USP32: variants seen among roughly 807,000 people sequenced by gnomAD.
USP32 encodes the protein ubiquitin carboxyl-terminal hydrolase 32.
USP32 carries 59 observed loss-of-function variants against 204.8 expected under a neutral mutation model. The observed-to-expected ratio is 0.29, with a 90% confidence interval of 0.23 to 0.36. USP32 has a LOEUF of 0.36. USP32 is among the 10% of genes least tolerant of loss of function. The pLI, the probability that USP32 is intolerant of heterozygous loss-of-function variation, is 1.00. For synonymous variants in USP32, 517 were observed against 678.4 expected (o/e 0.76, Z 3.70); for missense variants, 1,160 against 1,946.4 (o/e 0.60, Z 7.60).
chr17:60,241,840 GCT>G (rs2085886299), intron 11 of USP32, among the ~76,000 whole-genome samples: 1 of 151,954 alleles, frequency 6.6e-6, no homozygotes, highest in Non-Finnish European at 1.5e-5. Flanking sequence ...TTTTCTTAAT[GCT>G]CTCTCTTGAA....
rs546695393 is a variant in USP32 at position 60,227,294 on chromosome 17, G to C, written c.1240-1063C>G. On this transcript the variant is annotated intron_variant, in intron 12 of 33. Coordinates refer to ENST00000300896, the MANE Select transcript of USP32 (RefSeq NM_032582.4). ...TTCTTTTTTTTTTTTTTTTGAGACG[G>C]AGTCTTACTCTGTCACCCAGGCTAG... Among the ~76,000 whole-genome samples, 8 of 147,450 alleles carry C rather than the reference G, an allele frequency of 5.4e-5. No homozygotes were observed. In the East Asian group the frequency reaches 1.6e-3, roughly 29 times the overall value.
chr17:60,384,325 G>A (rs2089693433), intron 1 of USP32, among the ~76,000 whole-genome samples: 1 of 152,176 alleles, frequency 6.6e-6, no homozygotes, highest in Non-Finnish European at 1.5e-5. Flanking sequence ...AGATGCTGGG[G>A]CAACCAAGCT....
intron 26 of USP32, among the ~76,000 whole-genome samples, chr17:60,201,783 C>T (rs975819894): frequency 1.3e-5 from 2 of 151,966 alleles, no homozygotes; most frequent in African/African-American, 4.8e-5. Flanking sequence ...CTCAGCCTCC[C>T]GAGTAGCTGG....
At chr17:60,368,216 C>G (rs2089356878) in intron 1 of USP32, among the ~76,000 whole-genome samples, 1 of 152,130 alleles carries the variant, frequency 6.6e-6, no homozygotes, top group African/African-American at 2.4e-5. Flanking sequence ...AAGAGAAATA[C>G]AGTATTTAGA....
At chr17:60,365,667 T>C (rs1342646821) in intron 1 of USP32, among the ~76,000 whole-genome samples, 2 of 152,088 alleles carry the variant, frequency 1.3e-5, no homozygotes. Context: ...CATTAGTCTA[T>C]ATTGTGACTT....
At chr17:60,364,355 C>A (rs1236531604) in intron 1 of USP32, among the ~76,000 whole-genome samples, 1 of 152,136 alleles carries the variant, frequency 6.6e-6, no homozygotes, top group Non-Finnish European at 1.5e-5. Flanking sequence ...ACCTGCTAAG[C>A]CAATCATATT....
chr17:60,412,608 A>AT (rs1170176978), intron 1 of USP32, among the ~76,000 whole-genome samples: 1 of 151,566 alleles, frequency 6.6e-6, no homozygotes, highest in Non-Finnish European at 1.5e-5. Flanking sequence ...AGGCAAGGTG[A>AT]TTTTTCTGTC....
At chr17:60,323,784 A>G (rs2088167245) in intron 2 of USP32, among the ~76,000 whole-genome samples, 1 of 152,232 alleles carries the variant, frequency 6.6e-6, no homozygotes, top group Non-Finnish European at 1.5e-5. Flanking sequence ...AAGAAGGAAG[A>G]CTGGAAAAGT....
At chr17:60,182,889 T>C (rs1340418364) in intron 31 of USP32, among the ~76,000 whole-genome samples, 7 of 152,188 alleles carry the variant, frequency 4.6e-5, no homozygotes, top group Non-Finnish European at 1.0e-4. Flanking sequence ...ACCATTCCTG[T>C]TTACCGTATA....
In USP32 at chr17:60,185,577, G is replaced by A. The variant is rs1453188323; in HGVS notation, c.3717C>T (p.Leu1239=). The part of the protein sequence containing the change: ...QAEPINLDSC[L]RAFTSEEELG... The stretch of plus-strand genomic sequence containing the variant: ...GCTCTTCCTCACTGGTGAAAGCACG[G>A]AGACAGCTGTCCAGGTTGATGGGCT... Residue 1239 remains leucine (L), a synonymous_variant, in exon 30 of 34, where the codon CTC becomes CTT. Coordinates refer to ENST00000300896, the MANE Select transcript of USP32 (RefSeq NM_032582.4). 6.2e-7 allele frequency: 1 copy of A among 1,611,992 alleles called. No individual in the cohort carries two copies. The highest frequency in any genetic ancestry group is 8.5e-7 in the Non-Finnish European group (1 of 1,179,850).
chr17:60,179,078 A>G lies in USP32; in HGVS notation c.*177T>C, dbSNP rs2084035362. 1 of 735,172 alleles carries G rather than the reference A, an allele frequency of 1.4e-6. No individual in the cohort carries two copies. The highest frequency in any genetic ancestry group is 1.8e-5 in the African/African-American group (1 of 55,814). The allele number at this position is 735,172 out of a possible 1,614,324, so 45.5% of individuals were successfully genotyped here. The stretch of plus-strand genomic sequence containing the variant: ...GAGAGCTTGTATGAGACTTCAAAAT[A>G]AAATGATTACTACTCTTAAAGTTAA... On this transcript the variant is annotated 3_prime_UTR_variant, in exon 34 of 34. Transcript: ENST00000300896.
At chr17:60,234,437 AT>A (rs975938319) in intron 12 of USP32, among the ~76,000 whole-genome samples, 2 of 147,486 alleles carry the variant, frequency 1.4e-5, no homozygotes, top group East Asian at 4.5e-4. Context: ...TTAAAAAAAA[AT>A]TTTTTTGGAC....
At chr17:60,236,512 C>CAATT (rs112201486) in intron 11 of USP32, among the ~76,000 whole-genome samples, 30,104 of 151,580 alleles carry the variant, frequency 0.2, 7,264 homozygotes, top group African/African-American at 0.58. Flanking sequence ...CTGGTGTTTC[C>CAATT]AATTAATTAA....
chr17:60,237,327 AC>A (rs1290170732), intron 11 of USP32, among the ~76,000 whole-genome samples: 5 of 145,942 alleles, frequency 3.4e-5, no homozygotes, highest in Non-Finnish European at 7.5e-5. Context: ...TTTTTTTTTA[AC>A]TAGAGACAAG....
chr17:60,378,475 T>C (rs1331976510), intron 1 of USP32, among the ~76,000 whole-genome samples: 3 of 152,118 alleles, frequency 2.0e-5, no homozygotes, highest in African/African-American at 2.4e-5. Context: ...AAAGCAGGAC[T>C]CAGACAGATA....
chr17:60,292,992 T>C (rs978567693), intron 4 of USP32, among the ~76,000 whole-genome samples: 3 of 152,176 alleles, frequency 2.0e-5, no homozygotes, highest in East Asian at 1.9e-4. Flanking sequence ...TCAAGGCCTT[T>C]GCTATATTCT....
intron 11 of USP32, among the ~76,000 whole-genome samples, chr17:60,251,256 A>T (rs879675938): frequency 2.6e-5 from 4 of 151,842 alleles, no homozygotes; most frequent in African/African-American, 7.2e-5. Flanking sequence ...TCACTTTCTT[A>T]ATAAACTTGC....
At chr17:60,404,375 T>G (rs1190797307) in intron 1 of USP32, among the ~76,000 whole-genome samples, 2 of 152,196 alleles carry the variant, frequency 1.3e-5, no homozygotes, top group Non-Finnish European at 2.9e-5. Context: ...AGTTTTTTTT[T>G]AATGTGATGC....
chr17:60,417,484 G>T (rs1314085892), intron 1 of USP32, among the ~76,000 whole-genome samples: 1 of 144,646 alleles, frequency 6.9e-6, no homozygotes, highest in African/African-American at 2.5e-5. Context: ...ACAGAGTCTC[G>T]CTCTTGTCGC....
Sources: gnomAD v4.1 joint callset for allele counts (sites outside exome capture counted in the v4.1 genomes callset) on GRCh38, gnomAD v4.1.1 for gene constraint, MANE v1.5 for transcripts, NCBI Gene and HGNC (gene_info 2026-07-23, HGNC 2026-07-21) for gene names.